CDA: variants seen among roughly 807,000 people sequenced by gnomAD.
The protein encoded by CDA is cytidine deaminase, also known as cytidine aminohydrolase.
Under a neutral mutation model 15.0 loss-of-function variants are expected in CDA, and 7 were observed. That is an observed-to-expected ratio of 0.47 (90% CI 0.26 to 0.87). The LOEUF is 0.87. Among genes scored for constraint, CDA ranks in the 40% least tolerant of loss-of-function variants. The pLI, the probability that CDA is intolerant of heterozygous loss-of-function variation, is 0.15. For missense variants in CDA, 159 were observed against 182.7 expected, an observed-to-expected ratio of 0.87 and a Z score of 0.75; for synonymous variants, 58 against 73.0, an observed-to-expected ratio of 0.79 and a Z score of 1.05.
At chr1:20,614,831 A>G (rs1486152904) in intron 3 of CDA, among the ~76,000 whole-genome samples, 2 of 152,062 alleles carry the variant, frequency 1.3e-5, no homozygotes, top group East Asian at 1.9e-4. Context: ...CGAAGGGTAC[A>G]TTTTATTCCA....
At chr1:20,607,313 C>A (rs2052702363) in intron 2 of CDA, among the ~76,000 whole-genome samples, 1 of 152,172 alleles carries the variant, frequency 6.6e-6, no homozygotes, top group Non-Finnish European at 1.5e-5. Context: ...GCCCGAGGTG[C>A]ACTCAAGGAG....
chr1:20,614,250 C>T (rs756302991), intron 3 of CDA, among the ~76,000 whole-genome samples: 21 of 151,514 alleles, frequency 1.4e-4, no homozygotes, highest in South Asian at 2.1e-4. Flanking sequence ...CAAACAGTGG[C>T]GTTTCTGAGT....
intron 2 of CDA, among the ~76,000 whole-genome samples, chr1:20,611,271 T>C (rs537172433): frequency 6.6e-6 from 1 of 152,314 alleles, no homozygotes; most frequent in East Asian, 1.9e-4. Context: ...TCCTATGTTC[T>C]TCCAGAGATA....
At chr1:20,600,231 A>C (rs1319466690) in intron 1 of CDA, among the ~76,000 whole-genome samples, 1 of 152,232 alleles carries the variant, frequency 6.6e-6, no homozygotes, top group East Asian at 1.9e-4. Context: ...CTTTAACGGC[A>C]TGTCAGCAAA....
intron 1 of CDA, 39 bp from the exon 2 acceptor site, chr1:20,604,889 C>A: frequency 1.5e-6 from 2 of 1,343,802 alleles, no homozygotes; most frequent in Non-Finnish European, 2.1e-6. Context: ...CAGGAAGTGT[C>A]TCTGCCAGAC....
At chr1:20,593,385 G>A (rs1458525823) in intron 1 of CDA, among the ~76,000 whole-genome samples, 1 of 152,156 alleles carries the variant, frequency 6.6e-6, no homozygotes, top group Non-Finnish European at 1.5e-5. Flanking sequence ...TATGGTCAAC[G>A]TCAGAAAGCA....
chr1:20,610,261 C>CTTTTTTTTTTTTTTTTTTTTT (rs760754305), intron 2 of CDA, among the ~76,000 whole-genome samples: 8 of 62,968 alleles, frequency 1.3e-4, no homozygotes, highest in Admixed American at 2.2e-4. Context: ...CACACATTAT[C>CTTTTTTTTTTTTTTTTTTTTT]TTTTTTTTTT....
At chr1:20,615,112 G>T (rs186190578) in intron 3 of CDA, among the ~76,000 whole-genome samples, 1 of 151,918 alleles carries the variant, frequency 6.6e-6, no homozygotes, top group African/African-American at 2.4e-5. Flanking sequence ...TGCCCACCTC[G>T]GCCTCCCAAA....
chr1:20,608,307 A>T (rs2052713002), intron 2 of CDA, among the ~76,000 whole-genome samples: 1 of 148,122 alleles, frequency 6.8e-6, no homozygotes, highest in African/African-American at 2.5e-5. Context: ...TGTGAAATGG[A>T]GGAGACTGGT....
chr1:20,616,498 T>G (rs2052813711), intron 3 of CDA, among the ~76,000 whole-genome samples: 1 of 151,460 alleles, frequency 6.6e-6, no homozygotes, highest in African/African-American at 2.4e-5. Flanking sequence ...CACGGTGGAA[T>G]TTGTCTCACT....
chr1:20,612,035 T>G (rs2052757020), intron 2 of CDA, among the ~76,000 whole-genome samples: 1 of 151,894 alleles, frequency 6.6e-6, no homozygotes, highest in Non-Finnish European at 1.5e-5. Context: ...GCTAATTTTT[T>G]GTATTTTAGT....
intron 3 of CDA, among the ~76,000 whole-genome samples, chr1:20,615,741 C>A: frequency 6.6e-6 from 1 of 152,224 alleles, no homozygotes; most frequent in South Asian, 2.1e-4. Flanking sequence ...TGGCTTACAC[C>A]TGTAAGCCCT....
intron 3 of CDA, among the ~76,000 whole-genome samples, chr1:20,615,836 T>A (rs943127025): frequency 3.3e-5 from 5 of 152,024 alleles, no homozygotes; most frequent in Non-Finnish European, 5.9e-5. Flanking sequence ...CCCGGTCCCT[T>A]CAAACAATTT....
chr1:20,614,023 C>A, intron 3 of CDA, 124 bp downstream of exon 3: 1 of 842,760 alleles, frequency 1.2e-6, no homozygotes, highest in Non-Finnish European at 2.0e-6. Flanking sequence ...GTCCTGTTTG[C>A]TTGGTTGGCT....
intron 2 of CDA, among the ~76,000 whole-genome samples, chr1:20,612,710 C>G (rs953277328): frequency 4.6e-5 from 7 of 151,856 alleles, no homozygotes; most frequent in African/African-American, 1.7e-4. Context: ...GCCTGGAGGC[C>G]GAGGTGGGCG....
chr1:20,604,854 C>T, intron 1 of CDA, 74 bp from the exon 2 acceptor site: 1 of 1,014,320 alleles, frequency 9.9e-7, no homozygotes, highest in Non-Finnish European at 1.5e-6. Context: ...TGGAATGGGG[C>T]AAACTTCTTA....
chr1:20,589,308 C>A, intron 1 of CDA, 25 bp downstream of exon 1: 1 of 1,610,770 alleles, frequency 6.2e-7, no homozygotes, highest in Non-Finnish European at 8.5e-7. Flanking sequence ...CCCAGGGTCC[C>A]CCAGCCCAGC....
intron 3 of CDA, among the ~76,000 whole-genome samples, chr1:20,615,647 C>G (rs992195001): frequency 6.6e-6 from 1 of 151,910 alleles, no homozygotes; most frequent in African/African-American, 2.4e-5. Context: ...CCTCTAGAGT[C>G]CCAAAAGATT....
rs557518740 is a variant in CDA, at chr1:20,606,315, A to G, written c.266+1276A>G. ...ACGCCTCTGCATTCCAGCCTGAGTGACAGAGCGAGATTCCGTCTCCAAAAC... is the reference window on the plus strand; with the variant it reads ...ACGCCTCTGCATTCCAGCCTGAGTGGCAGAGCGAGATTCCGTCTCCAAAAC... On this transcript the variant is annotated intron_variant, in intron 2 of 3. Coordinates refer to ENST00000375071, the MANE Select transcript of CDA (RefSeq NM_001785.3). Among the ~76,000 whole-genome samples, 114 of 151,980 alleles carry G rather than the reference A, an allele frequency of 7.5e-4. 1 individual carries two copies. The highest frequency in any genetic ancestry group is 2.3e-3 in the African/African-American group (94 of 41,412).
Sources: allele counts gnomAD v4.1 joint callset (sites outside exome capture counted in the v4.1 genomes callset), GRCh38; gene constraint gnomAD v4.1.1; transcripts MANE v1.5; gene names NCBI Gene and HGNC (gene_info 2026-07-23, HGNC 2026-07-21).